Variants in ARHGAP22 observed in about 807,000 individuals in gnomAD.
ARHGAP22 encodes Rho GTPase activating protein 22.
A neutral mutation model predicts 59.1 loss-of-function variants in ARHGAP22; 48 were observed. That is an observed-to-expected ratio of 0.81 (90% CI 0.64 to 1.03). ARHGAP22 has a LOEUF of 1.03. Among genes scored for constraint, ARHGAP22 ranks in the 50% least tolerant of loss-of-function variants. The pLI, the probability that ARHGAP22 is intolerant of heterozygous loss-of-function variation, is 0.00. For synonymous variants in ARHGAP22, 445 were observed against 416.4 expected (o/e 1.07, Z -0.84); for missense variants, 1,015 against 958.7 (o/e 1.06, Z -0.78).
intron 4 of ARHGAP22, 112 bp from the exon 5 acceptor site, chr10:48,460,003 A>T: frequency 1.8e-6 from 2 of 1,102,260 alleles, no homozygotes; most frequent in South Asian, 1.5e-5. Flanking sequence ...CCTCCTCAGG[A>T]AGCAAATTAC....
At chr10:48,443,648 G>C (rs1286976272), downstream of ARHGAP22, among the ~76,000 whole-genome samples, 7 of 152,070 alleles carry the variant, frequency 4.6e-5, no homozygotes. Flanking sequence ...TAGGATACTG[G>C]GAGGGCTCTG....
At chr10:48,605,724 A>C (rs2060645188), upstream of ARHGAP22, among the ~76,000 whole-genome samples, 1 of 152,194 alleles carries the variant, frequency 6.6e-6, no homozygotes, top group African/African-American at 2.4e-5. Flanking sequence ...TTTATTAGGC[A>C]CCTACTATGT....
At chr10:48,540,270 CT>C (rs1294573642) in intron 3 of ARHGAP22, among the ~76,000 whole-genome samples, 2 of 152,234 alleles carry the variant, frequency 1.3e-5, no homozygotes, top group Non-Finnish European at 2.9e-5. Flanking sequence ...AGCTTTTGCT[CT>C]TGCTGCCCAG....
intron 3 of ARHGAP22, among the ~76,000 whole-genome samples, chr10:48,480,908 G>C (rs574150753): frequency 6.6e-6 from 1 of 152,236 alleles, no homozygotes; most frequent in Non-Finnish European, 1.5e-5. Context: ...CCAAGAACTG[G>C]GGAAACCAAG....
chr10:48,553,562 A>G (rs2057071028), intron 3 of ARHGAP22, among the ~76,000 whole-genome samples: 1 of 152,188 alleles, frequency 6.6e-6, no homozygotes, highest in African/African-American at 2.4e-5. Flanking sequence ...TCTAATCTCC[A>G]CGGTCTGTTT....
At chr10:48,476,196 C>T (rs970817100) in intron 4 of ARHGAP22, among the ~76,000 whole-genome samples, 2 of 152,206 alleles carry the variant, frequency 1.3e-5, no homozygotes, top group African/African-American at 2.4e-5. Flanking sequence ...TTTGCGAGTC[C>T]ATTGCAGGTT....
chr10:48,643,759 A>AT (rs1162681049), intron 1 of ARHGAP22, among the ~76,000 whole-genome samples: 23 of 143,880 alleles, frequency 1.6e-4, no homozygotes, highest in African/African-American at 5.8e-4. Context: ...AATTAAAAAA[A>AT]AAAAAATATA....
intron 1 of ARHGAP22, among the ~76,000 whole-genome samples, chr10:48,637,330 C>A (rs1442158608): frequency 6.6e-6 from 1 of 151,936 alleles, no homozygotes; most frequent in Non-Finnish European, 1.5e-5. Flanking sequence ...CGACAGGGGA[C>A]ACAGGTATAC....
intron 3 of ARHGAP22, among the ~76,000 whole-genome samples, chr10:48,509,306 C>T (rs1200381782): frequency 6.6e-6 from 1 of 152,110 alleles, no homozygotes; most frequent in African/African-American, 2.4e-5. Flanking sequence ...TCAGGAGCAC[C>T]CAGGACAGGG....
rs773413850 is a variant in ARHGAP22, at chr10:48,450,298, A to T, written c.1831T>A (p.Cys611Ser). The T allele has an allele frequency of 6.2e-7, 1 of 1,608,382 alleles. No individual in the cohort carries two copies. Among genetic ancestry groups the T allele is most frequent in the African/African-American group, 1.3e-5 (1 of 74,856 alleles). The change falls in exon 9 of 10, where the codon TGC becomes AGC. Residue 611 changes from cysteine to serine, a missense_variant. Cys to Ser is a moderately radical substitution (Grantham distance 112). Coordinates refer to ENST00000249601, the MANE Select transcript of ARHGAP22 (RefSeq NM_021226.4). ...CTCTCGTACTCAGTCCGCTGGCGGC[A>T]CAGCTCGGCCCTGAGCTCAGTGACC... is the stretch of plus-strand genomic sequence containing the variant. Reference protein sequence around the residue: ...GLVTELRAELCRQRTEYERSV... With the variant: ...GLVTELRAELSRQRTEYERSV...
At chr10:48,648,393 C>A (rs7916864) in intron 1 of ARHGAP22, among the ~76,000 whole-genome samples, 1,532 of 152,184 alleles carry the variant, frequency 0.01, 31 homozygotes, top group African/African-American at 0.036. Flanking sequence ...TAGTGTGGGA[C>A]AGAGTTGTGA....
chr10:48,646,967 G>A (rs1284975369), intron 1 of ARHGAP22, among the ~76,000 whole-genome samples: 1 of 152,142 alleles, frequency 6.6e-6, no homozygotes, highest in East Asian at 1.9e-4. Context: ...CAGACTAGGA[G>A]AAAATTTAGG....
the ARHGAP22 span, chr10:48,438,446 C>T: frequency 6.6e-6 from 1 of 152,220 alleles, no homozygotes; most frequent in Non-Finnish European, 1.5e-5. Context: ...GTCCTAATTT[C>T]AAACTGACTG....
At chr10:48,622,213 T>C (rs1330601530) in intron 1 of ARHGAP22, among the ~76,000 whole-genome samples, 1 of 152,232 alleles carries the variant, frequency 6.6e-6, no homozygotes, top group East Asian at 1.9e-4. Flanking sequence ...TGTATCTTTT[T>C]TTGTTCCTCA....
chr10:48,510,041 A>T (rs1253783374), intron 3 of ARHGAP22, among the ~76,000 whole-genome samples: 1 of 152,196 alleles, frequency 6.6e-6, no homozygotes. Flanking sequence ...CACCAGCCAC[A>T]TCTAGGTGGC....
rs775638698 is a variant in ARHGAP22, at chr10:48,604,728, C to T, written c.34+35G>A. 3.7e-6 allele frequency: 6 copies of T among 1,614,194 alleles called. No homozygotes were observed. In the South Asian group the frequency reaches 6.6e-5, roughly 18 times the overall value. ...GCGCACGTTTGCCAAGAGGCACATG[C>T]GGTGCCCAGAGAAACCCCAGAAAGT... On this transcript the variant is annotated intron_variant, in intron 1 of 9. Coordinates refer to ENST00000249601, the MANE Select transcript of ARHGAP22 (RefSeq NM_021226.4).
chr10:48,623,589 A>G (rs935572971), intron 1 of ARHGAP22, among the ~76,000 whole-genome samples: 3 of 152,224 alleles, frequency 2.0e-5, no homozygotes, highest in Admixed American at 6.5e-5. Context: ...CAGGACAGGC[A>G]GTACATCAGG....
intron 1 of ARHGAP22, among the ~76,000 whole-genome samples, chr10:48,632,407 C>G (rs528429974): frequency 6.6e-6 from 1 of 152,230 alleles, no homozygotes; most frequent in East Asian, 1.9e-4. Flanking sequence ...AACTATTCAA[C>G]ATATTTTTTT....
intron 3 of ARHGAP22, among the ~76,000 whole-genome samples, chr10:48,538,131 A>G (rs2055554223): frequency 6.6e-6 from 1 of 152,132 alleles, no homozygotes; most frequent in South Asian, 2.1e-4. Context: ...GGAGCTCTAA[A>G]GGCTTGAGGG....
Sources: allele counts gnomAD v4.1 joint callset (sites outside exome capture counted in the v4.1 genomes callset), GRCh38; gene constraint gnomAD v4.1.1; transcripts MANE v1.5; gene names NCBI Gene and HGNC (gene_info 2026-07-23, HGNC 2026-07-21).